The following NOX3 variants were observed in gnomAD, a reference collection of about 807,000 sequenced individuals.
NOX3 encodes NADPH oxidase 3, also known as NADPH oxidase catalytic subunit-like 3.
A neutral mutation model predicts 76.7 loss-of-function variants in NOX3; 74 were observed. That is an observed-to-expected ratio of 0.96 (90% CI 0.80 to 1.17). The LOEUF is 1.17. Among genes scored for constraint, NOX3 ranks in the 50% most tolerant of loss-of-function variants. The pLI, the probability that NOX3 is intolerant of heterozygous loss-of-function variation, is 0.00. For missense variants in NOX3, 695 were observed against 703.3 expected (o/e 0.99, Z 0.13); for synonymous variants, 263 against 261.1 (o/e 1.01, Z -0.07).
At chr6:155,412,458 T>C (rs983694319) in intron 10 of NOX3, among the ~76,000 whole-genome samples, 3 of 152,226 alleles carry the variant, frequency 2.0e-5, no homozygotes, top group Non-Finnish European at 4.4e-5. Context: ...ATATTAATTA[T>C]TTGTAAGAGT....
chr6:155,423,958 G>A (rs1728477006), intron 9 of NOX3, among the ~76,000 whole-genome samples: 1 of 151,972 alleles, frequency 6.6e-6, no homozygotes, highest in South Asian at 2.1e-4. Flanking sequence ...GGCCAGGATG[G>A]TCTTGATCTC....
At chr6:155,424,769 T>C (rs1776735333) in intron 9 of NOX3, among the ~76,000 whole-genome samples, 1 of 152,172 alleles carries the variant, frequency 6.6e-6, no homozygotes, top group Non-Finnish European at 1.5e-5. Context: ...AATAATTACA[T>C]AAAGGAAATT....
chr6:155,454,266 G>T (rs553987037), intron 3 of NOX3, among the ~76,000 whole-genome samples: 1 of 152,154 alleles, frequency 6.6e-6, no homozygotes, highest in Non-Finnish European at 1.5e-5. Context: ...GCATAATACA[G>T]TATTTTACCT....
At chr6:155,453,552 G>A in intron 3 of NOX3, 64 bp from the exon 4 acceptor site, 1 of 1,268,076 alleles carries the variant, frequency 7.9e-7, no homozygotes, top group Non-Finnish European at 1.2e-6. Context: ...TCTCATGAAA[G>A]TTAAGAGAGT....
At chr6:155,438,340 T>G (rs989077601) in intron 6 of NOX3, among the ~76,000 whole-genome samples, 87 of 152,148 alleles carry the variant, frequency 5.7e-4, no homozygotes, top group Non-Finnish European at 1.0e-4. Flanking sequence ...GAAGAGCCAA[T>G]CCCAGAGACC....
chr6:155,402,519 T>C (rs1403039486), intron 12 of NOX3, among the ~76,000 whole-genome samples: 1 of 152,194 alleles, frequency 6.6e-6, no homozygotes, highest in East Asian at 1.9e-4. Flanking sequence ...ATTTTTAATT[T>C]TTCTTCTCTC....
At chr6:155,414,792 G>A (rs555392812) in intron 10 of NOX3, among the ~76,000 whole-genome samples, 7 of 151,812 alleles carry the variant, frequency 4.6e-5, no homozygotes, top group South Asian at 4.2e-4. Context: ...CATGCACGAC[G>A]AAGTTTTTAT....
intron 4 of NOX3, among the ~76,000 whole-genome samples, chr6:155,445,998 A>ATAT (rs1777061288): frequency 3.0e-5 from 3 of 101,036 alleles, no homozygotes; most frequent in African/African-American, 1.1e-4. Flanking sequence ...TATATATATA[A>ATAT]TATATATATA....
At chr6:155,430,463 G>A (rs1776817644) in intron 8 of NOX3, among the ~76,000 whole-genome samples, 2 of 151,932 alleles carry the variant, frequency 1.3e-5, no homozygotes, top group Admixed American at 1.3e-4. Flanking sequence ...ATTTGAAAAT[G>A]TTATTTGTTT....
intron 10 of NOX3, among the ~76,000 whole-genome samples, chr6:155,413,209 G>C (rs1424455537): frequency 1.3e-5 from 2 of 152,152 alleles, no homozygotes; most frequent in South Asian, 2.1e-4. Flanking sequence ...AAAAGTTGAG[G>C]GAGTCAAATG....
chr6:155,409,449 T>C (rs1208514753), intron 11 of NOX3, among the ~76,000 whole-genome samples: 2 of 152,168 alleles, frequency 1.3e-5, no homozygotes, highest in Non-Finnish European at 2.9e-5. Flanking sequence ...AAAAAGGGCC[T>C]TCCCTACTTA....
chr6:155,429,987 G>A (rs1220419635), intron 8 of NOX3, among the ~76,000 whole-genome samples: 1 of 152,138 alleles, frequency 6.6e-6, no homozygotes, highest in African/African-American at 2.4e-5. Context: ...ACATCCTTTG[G>A]TGCTTAACTT....
intron 9 of NOX3, among the ~76,000 whole-genome samples, chr6:155,425,302 A>T (rs961515253): frequency 6.6e-6 from 1 of 152,304 alleles, no homozygotes; most frequent in East Asian, 1.9e-4. Context: ...GATTTTTAAC[A>T]ATCTGAATCA....
chr6:155,417,811 C>T (rs921596031), intron 10 of NOX3, among the ~76,000 whole-genome samples: 1 of 151,930 alleles, frequency 6.6e-6, no homozygotes, highest in Non-Finnish European at 1.5e-5. Context: ...TCTTTTTTGG[C>T]CTCTTTCCCT....
At chr6:155,442,517 C>T (rs1777007196) in intron 5 of NOX3, among the ~76,000 whole-genome samples, 1 of 152,044 alleles carries the variant, frequency 6.6e-6, no homozygotes, top group South Asian at 2.1e-4. Context: ...TTTTCTTGGG[C>T]AATAAAGATA....
At position 155,445,708 on chromosome 6, in the gene NOX3, G is replaced by A. The variant is rs575066990; in HGVS notation, c.341-2290C>T. On this transcript the variant is annotated intron_variant, in intron 4 of 13. Transcript: ENST00000159060. ...TGATGAACTTTGACTTCTCAAGGATGGACTTTATTCATCCTTGAAACCTCA... is the reference window on the plus strand; with the variant it reads ...TGATGAACTTTGACTTCTCAAGGATAGACTTTATTCATCCTTGAAACCTCA... 2.0e-5 allele frequency among the ~76,000 whole-genome samples: 3 copies of A among 151,650 alleles called. No individual in the cohort carries two copies. The East Asian group carries it at 5.8e-4, about 29-fold the overall frequency.
chr6:155,407,028 TA>T, intron 12 of NOX3, 101 bp downstream of exon 12: 1 of 1,288,640 alleles, frequency 7.8e-7, no homozygotes, highest in Non-Finnish European at 1.1e-6. Context: ...GTTTTGTCTC[TA>T]ATGGAGATAT....
chr6:155,395,974 T>C (rs1170115439), intron 13 of NOX3, among the ~76,000 whole-genome samples: 1 of 152,128 alleles, frequency 6.6e-6, no homozygotes, highest in Non-Finnish European at 1.5e-5. Context: ...AAAGAAAACA[T>C]AAAATTTATT....
At chr6:155,409,826 T>A (rs1324779007) in intron 11 of NOX3, among the ~76,000 whole-genome samples, 1 of 152,160 alleles carries the variant, frequency 6.6e-6, no homozygotes, top group Non-Finnish European at 1.5e-5. Flanking sequence ...AAAAAATATA[T>A]GTTTTATAGC....
Sources: gnomAD v4.1 joint callset for allele counts (sites outside exome capture counted in the v4.1 genomes callset) on GRCh38, gnomAD v4.1.1 for gene constraint, MANE v1.5 for transcripts, NCBI Gene and HGNC (gene_info 2026-07-23, HGNC 2026-07-21) for gene names.